Variants in CEP72 observed in about 807,000 individuals in gnomAD.
CEP72 encodes the protein centrosomal protein of 72 kDa.
CEP72 carries 78 observed loss-of-function variants against 65.7 expected under a neutral mutation model. That is an observed-to-expected ratio of 1.19 (90% CI 0.99 to 1.43). CEP72 has a LOEUF of 1.43. Among genes scored for constraint, CEP72 ranks in the 40% most tolerant of loss-of-function variants. The pLI, the probability that CEP72 is intolerant of heterozygous loss-of-function variation, is 0.00. For missense variants in CEP72, 914 were observed against 832.9 expected (o/e 1.10, Z -1.20); for synonymous variants, 358 against 351.7 (o/e 1.02, Z -0.20).
intron 11 of CEP72, among the ~76,000 whole-genome samples, chr5:649,502 T>G (rs1298102367): frequency 0.018 from 626 of 33,878 alleles, 19 homozygotes; most frequent in Admixed American, 0.032. Flanking sequence ...GACTGTGAGG[T>G]GTGACTGTGA....
At chr5:620,433 C>T (rs1461942562) in intron 3 of CEP72, among the ~76,000 whole-genome samples, 172 bp downstream of exon 3, 1 of 152,166 alleles carries the variant, frequency 6.6e-6, no homozygotes, top group Non-Finnish European at 1.5e-5. Context: ...GCTCGAGAGG[C>T]CCTGTGTCTG....
rs539170167 is a variant in CEP72 at position 625,082 on chromosome 5, C to T, written c.512+503C>T. On this transcript the variant is annotated intron_variant, in intron 4 of 11. Transcript: ENST00000264935. The stretch of plus-strand genomic sequence containing the variant: ...CCATGGCTGGTGCTGGTGAGGCCAC[C>T]TTCGGAGACCGTGGGCGTGTGTGTG... Among the ~76,000 whole-genome samples, 677 of 152,306 alleles carry T rather than the reference C, an allele frequency of 4.4e-3. 7 individuals are homozygous for T. The highest frequency in any genetic ancestry group is 0.016 in the African/African-American group (651 of 41,558).
At chr5:612,580 CGAGCGGGGCGCGCGTGTCCAGGT>C in intron 1 of CEP72, 137 bp downstream of exon 1, 4 of 1,228,258 alleles carry the variant, frequency 3.3e-6, no homozygotes, top group Non-Finnish European at 4.1e-6. Flanking sequence ...CGGTCGCGGG[CGAGCGGGGCGCGCGTGTCCAGGT>C]GAGCGACCCA....
chr5:641,687 TC>T, intron 9 of CEP72: 1 of 980,306 alleles, frequency 1.0e-6, no homozygotes, highest in Non-Finnish European at 1.2e-6. Context: ...CACACGTGGG[TC>T]CCCATCCCCC....
the CEP72 span, among the ~76,000 whole-genome samples, chr5:674,362 G>T: frequency 4.6e-5 from 7 of 152,176 alleles, no homozygotes; most frequent in African/African-American, 2.4e-5. Flanking sequence ...GGGCACAGGG[G>T]CCCTGGCAGC....
At chr5:665,345 A>T in intron 3 of CEP72, 1 of 1,550,462 alleles carries the variant, frequency 6.4e-7, no homozygotes, top group Non-Finnish European at 8.7e-7. Flanking sequence ...GAGCCAGGTG[A>T]GGCCAGCAAG....
chr5:649,623 G>GACTGTGAGGTGT (rs1738793003), intron 11 of CEP72, among the ~76,000 whole-genome samples: 2 of 69,818 alleles, frequency 2.9e-5, no homozygotes, highest in African/African-American at 1.2e-4. Flanking sequence ...TGTGAGGCGT[G>GACTGTGAGGTGT]GACTGTGAGG....
At chr5:653,659 A>G (rs1739253353), downstream of CEP72, 1 of 152,548 alleles carries the variant, frequency 6.6e-6, no homozygotes, top group Non-Finnish European at 1.5e-5. Context: ...AATTAAGTTC[A>G]AAGACTTAAC....
intron 2 of CEP72, 125 bp from the exon 3 acceptor site, chr5:619,944 G>A: frequency 4.2e-6 from 3 of 721,872 alleles, no homozygotes; most frequent in Admixed American, 5.7e-5. Flanking sequence ...ACTTTTCCTG[G>A]TAATGACATG....
intron 7 of CEP72, 94 bp from the exon 8 acceptor site, chr5:638,995 G>A (rs1463849445): frequency 6.6e-7 from 1 of 1,521,014 alleles, no homozygotes; most frequent in Non-Finnish European, 9.0e-7. Flanking sequence ...CCCCTTCGTG[G>A]TGCGAGGGCA....
downstream of CEP72, among the ~76,000 whole-genome samples, chr5:659,557 G>A (rs1739496030): frequency 1.3e-5 from 2 of 150,826 alleles, no homozygotes; most frequent in South Asian, 2.1e-4. Flanking sequence ...CTGTTTTGGG[G>A]GCTCTGGTGG....
chr5:619,971 G>A, intron 2 of CEP72, 98 bp from the exon 3 acceptor site: 1 of 911,940 alleles, frequency 1.1e-6, no homozygotes, highest in Non-Finnish European at 1.7e-6. Flanking sequence ...TTGCAAATAA[G>A]TTTATACAGT....
intron 11 of CEP72, among the ~76,000 whole-genome samples, chr5:649,236 T>G (rs1347934567): frequency 8.9e-5 from 7 of 78,668 alleles, no homozygotes; most frequent in African/African-American, 2.5e-4. Context: ...GACTGTGAGG[T>G]GTGACTGTGA....
At chr5:671,545 C>T (rs1368805508), downstream of CEP72, among the ~76,000 whole-genome samples, 2 of 152,228 alleles carry the variant, frequency 1.3e-5, no homozygotes, top group African/African-American at 2.4e-5. Flanking sequence ...CAAGGCCACG[C>T]CCACCACTGG....
At chr5:640,320 G>A in intron 8 of CEP72, 88 bp from the exon 9 acceptor site, 1 of 1,538,862 alleles carries the variant, frequency 6.5e-7, no homozygotes, top group South Asian at 1.3e-5. Flanking sequence ...GGCATCGTCT[G>A]TGTGATTCAA....
chr5:659,707 G>C (rs914029528), downstream of CEP72, among the ~76,000 whole-genome samples: 1 of 152,224 alleles, frequency 6.6e-6, no homozygotes. Context: ...ATGAGGAAGC[G>C]AGAGACTCCC....
At chr5:650,525 C>T (rs62650528) in intron 11 of CEP72, among the ~76,000 whole-genome samples, 5,576 of 14,880 alleles carry the variant, frequency 0.37, 7 homozygotes, top group African/African-American at 0.43. Context: ...GACTGTGAGG[C>T]GTGGACTGTG....
chr5:641,689 C>T (rs1278017083), intron 9 of CEP72: 1 of 984,196 alleles, frequency 1.0e-6, no homozygotes, highest in Non-Finnish European at 1.2e-6. Flanking sequence ...CACGTGGGTC[C>T]CCATCCCCCG....
In CEP72 at chr5:620,210, C is replaced by T. The variant is rs1736295262; in HGVS notation, c.352C>T (p.Pro118Ser). 1 of 1,614,050 alleles carries T rather than the reference C, an allele frequency of 6.2e-7. No individual in the cohort carries two copies. The highest frequency in any genetic ancestry group is 1.3e-5 in the African/African-American group (1 of 74,936). ...GCTGAACCCCGTGGTGAAGGTTGAG[C>T]CTGACTACCGCCTTTTTGTTGTGCA... ...FRLNPVVKVE[P>S]DYRLFVVHLL... The change falls in exon 3 of 12, where the codon CCT (proline) becomes TCT (serine). Residue 118 changes from proline to serine, a missense_variant. Physicochemically the swap from Pro to Ser is moderately conservative, Grantham distance 74. Transcript: ENST00000264935.
Sources: gnomAD v4.1 joint callset for allele counts (sites outside exome capture counted in the v4.1 genomes callset) on GRCh38, gnomAD v4.1.1 for gene constraint, MANE v1.5 for transcripts, NCBI Gene and HGNC (gene_info 2026-07-23, HGNC 2026-07-21) for gene names.